Variants in ANKRD18A observed in about 807,000 individuals in gnomAD.
ANKRD18A encodes the protein ankyrin repeat domain 18A, also known as ankyrin repeat domain-containing protein 18A.
A neutral mutation model predicts 110.6 loss-of-function variants in ANKRD18A; 72 were observed. That is an observed-to-expected ratio of 0.65 (90% confidence interval 0.54 to 0.79). The LOEUF is 0.79. ANKRD18A is among the 30% of genes least tolerant of loss of function. The probability of loss-of-function intolerance (pLI) is 0.00; values close to 1 mark genes in which losing one functional copy is unlikely to be tolerated. For missense variants in ANKRD18A, 934 were observed against 1,163.3 expected, an observed-to-expected ratio of 0.80 and a Z score of 2.87; for synonymous variants, 305 against 410.3, an observed-to-expected ratio of 0.74 and a Z score of 3.10.
chr9:38,610,360 A>T lies in ANKRD18A; in HGVS notation c.653T>A (p.Leu218His), dbSNP rs574126177. 32 of 1,551,002 alleles carry T rather than the reference A, an allele frequency of 2.1e-5. No homozygotes were observed. In the Admixed American group the frequency reaches 3.9e-4, roughly 19 times the overall value. The change falls in exon 5 of 16, where the codon CTC becomes CAC. Residue 218 changes from leucine to histidine, a missense_variant. Leu to His is a moderately conservative substitution (Grantham distance 99, BLOSUM62 -3). Coordinates refer to ENST00000399703, the MANE Select transcript of ANKRD18A (RefSeq NM_147195.4). The stretch of plus-strand genomic sequence containing the variant: ...GATACGTATATTTTGTTGAAGCAGG[A>T]GGGTGACGATACTTGACAAGTTATG... ...VQHNLSSIVT[L>H]LLQQNIRISS...
chr9:38,620,570 T>G lies in ANKRD18A; in HGVS notation c.-285A>C. On this transcript the variant is annotated 5_prime_UTR_variant, in exon 1 of 16. Coordinates refer to ENST00000399703, the MANE Select transcript of ANKRD18A (RefSeq NM_147195.4). The stretch of plus-strand genomic sequence containing the variant: ...AAGCCGTTAGGCGCGCGCCTGAACC[T>G]CAGCGCTCCGAACTCTCAGACCGAG... 1 of 1,001,706 alleles carries G rather than the reference T, an allele frequency of 1.0e-6. No homozygotes were observed. Among genetic ancestry groups the G allele is most frequent in the Non-Finnish European group, 1.3e-6 (1 of 772,348 alleles). The allele number at this position is 1,001,706 out of a possible 1,614,324, so 62.1% of individuals were successfully genotyped here. A position where few individuals can be genotyped will look rare whatever the true frequency, so the allele number is the denominator to read the frequency against.
At chr9:38,582,436 T>A (rs539783175) in intron 12 of ANKRD18A, among the ~76,000 whole-genome samples, 2 of 152,282 alleles carry the variant, frequency 1.3e-5, no homozygotes, top group South Asian at 4.1e-4. Flanking sequence ...ATAAGACAAC[T>A]GGTAATATGC....
At chr9:38,572,281 C>T in intron 15 of ANKRD18A, 2 of 377,406 alleles carry the variant, frequency 5.3e-6, no homozygotes, top group East Asian at 5.5e-5. Context: ...ATGTACTCAA[C>T]AGCCACGTGC....
intron 3 of ANKRD18A, among the ~76,000 whole-genome samples, chr9:38,614,609 G>C (rs1190227434): frequency 6.6e-6 from 1 of 152,120 alleles, no homozygotes; most frequent in Non-Finnish European, 1.5e-5. Flanking sequence ...AATCACTTCA[G>C]TTTCATCTCT....
intron 3 of ANKRD18A, among the ~76,000 whole-genome samples, chr9:38,612,201 A>G (rs1362176361): frequency 4.6e-5 from 7 of 152,202 alleles, no homozygotes; most frequent in Non-Finnish European, 8.8e-5. Context: ...TATCTTAACT[A>G]TTAGAAAGCT....
intron 12 of ANKRD18A, among the ~76,000 whole-genome samples, chr9:38,584,106 T>G (rs1339369355): frequency 6.6e-6 from 1 of 152,144 alleles, no homozygotes; most frequent in Non-Finnish European, 1.5e-5. Flanking sequence ...GGAAATCTGT[T>G]TGCAGGACCC....
Position 38,596,394 on chromosome 9 carries a change from T to G in ANKRD18A, c.946A>C (p.Ser316Arg). The G allele has an allele frequency of 6.9e-7, 1 of 1,446,226 alleles. No homozygotes were observed. Among genetic ancestry groups the G allele is most frequent in the Non-Finnish European group, 9.1e-7 (1 of 1,099,982 alleles). The allele number at this position is 1,446,226 out of a possible 1,614,324, so 89.6% of individuals were successfully genotyped here. ...SENKQPQDSQ[S>R]YGKKKDAMYG... ...ATCGCATCCTTCTTTTTTCCGTAAC[T>G]TTGAGAATCCTAAATAAAACAAAAC... Residue 316 changes from serine to arginine, a missense_variant, in exon 9 of 16, where the codon AGT (serine) becomes CGT (arginine). Physicochemically the swap from Ser to Arg is moderately radical, Grantham distance 110. Coordinates refer to ENST00000399703, the MANE Select transcript of ANKRD18A (RefSeq NM_147195.4).
chr9:38,595,014 G>T (rs1824810561), intron 9 of ANKRD18A, among the ~76,000 whole-genome samples: 1 of 152,120 alleles, frequency 6.6e-6, no homozygotes, highest in Non-Finnish European at 1.5e-5. Context: ...CATCTTGTCA[G>T]CTCTACCTTT....
At position 38,595,483 on chromosome 9, in the gene ANKRD18A, T is replaced by A; in HGVS notation, c.1854+3A>T. ...AGAAGTTTATAGTTTTCTTCATACTTACTTCTCTTTCTGCTTTTTCTTTTT... is the reference window on the plus strand; with the variant it reads ...AGAAGTTTATAGTTTTCTTCATACTAACTTCTCTTTCTGCTTTTTCTTTTT... On this transcript the variant is annotated splice_donor_region_variant and intron_variant, in intron 9 of 15. Transcript: ENST00000399703. The A allele has an allele frequency of 6.8e-7, 1 of 1,466,926 alleles. No homozygotes were observed. Among genetic ancestry groups the A allele is most frequent in the South Asian group, 1.5e-5 (1 of 68,534 alleles). 90.9% of individuals were successfully genotyped at this position (1,466,926 alleles called of 1,614,324 possible).
Position 38,606,490 on chromosome 9 carries a change from T to C in ANKRD18A, c.808+936A>G, listed in dbSNP as rs542503121. ...TTTTTTTCTTTTCTATGATTTTCTTTATAACAGCTTCATTTCTCTAGCTTC... is the reference window on the plus strand; with the variant it reads ...TTTTTTTCTTTTCTATGATTTTCTTCATAACAGCTTCATTTCTCTAGCTTC... On this transcript the variant is annotated intron_variant, in intron 6 of 15. Coordinates refer to ENST00000399703, the MANE Select transcript of ANKRD18A (RefSeq NM_147195.4). 3.9e-5 allele frequency among the ~76,000 whole-genome samples: 6 copies of C among 152,350 alleles called. No homozygotes were observed. The South Asian group carries it at 1.2e-3, about 32-fold the overall frequency.
intron 1 of ANKRD18A, among the ~76,000 whole-genome samples, chr9:38,616,568 C>T (rs567062359): frequency 2.0e-5 from 3 of 152,254 alleles, no homozygotes; most frequent in South Asian, 2.1e-4. Flanking sequence ...ACCTCCTGCC[C>T]CAGCCTCCTG....
intron 11 of ANKRD18A, among the ~76,000 whole-genome samples, chr9:38,586,827 T>C (rs1587499860): frequency 6.6e-6 from 1 of 152,028 alleles, no homozygotes. Context: ...GCCTCCCAAA[T>C]TGCTGGGATT....
chr9:38,568,801 G>C (rs537861940), downstream of ANKRD18A: 1 of 985,286 alleles, frequency 1.0e-6, no homozygotes, highest in Non-Finnish European at 1.2e-6. Context: ...CTGCTGGGGG[G>C]ACCATAGTGC....
chr9:38,610,628 G>A (rs144333737), intron 4 of ANKRD18A, among the ~76,000 whole-genome samples: 125 of 152,224 alleles, frequency 8.2e-4, no homozygotes, highest in African/African-American at 2.9e-3. Flanking sequence ...AGCAAACTTC[G>A]TGTCCCATTG....
Position 38,606,025 on chromosome 9 carries a change from T to C in ANKRD18A, c.808+1401A>G, listed in dbSNP as rs146841375. Among the ~76,000 whole-genome samples the C allele has an allele frequency of 6.9e-3, 1,047 of 152,336 alleles. 12 individuals carry two copies. The highest frequency in any genetic ancestry group is 0.023 in the African/African-American group (969 of 41,570). On this transcript the variant is annotated intron_variant, in intron 6 of 15. Coordinates refer to ENST00000399703, the MANE Select transcript of ANKRD18A (RefSeq NM_147195.4). ...ATATATCTCATGAGGTTCCAACTTA[T>C]GGTGAATAAATTAAAAATAGACCTT...
chr9:38,595,788 T>A lies in ANKRD18A; in HGVS notation c.1552A>T (p.Ile518Leu). The part of the protein sequence containing the change: ...QLDLRQAQHR[I>L]KEMKQMHPNG... ...GGATGCATCTGCTTCATTTCCTTTATTCGATGCTGTGCTTGCCTTAGGTCC... is the reference window on the plus strand; with the variant it reads ...GGATGCATCTGCTTCATTTCCTTTAATCGATGCTGTGCTTGCCTTAGGTCC... Residue 518 changes from isoleucine (I) to leucine (L), a missense_variant, in exon 9 of 16, where the codon ATA (isoleucine) becomes TTA (leucine). This residue lies in a region of ANKRD18A where 630 missense variants were observed against 797.5 expected (regional missense o/e 0.79). Transcript: ENST00000399703. The A allele has an allele frequency of 6.4e-7, 1 of 1,551,260 alleles. No homozygotes were observed. The highest frequency in any genetic ancestry group is 8.7e-7 in the Non-Finnish European group (1 of 1,146,650).
chr9:38,616,646 G>A (rs1825865597), intron 1 of ANKRD18A, among the ~76,000 whole-genome samples: 1 of 152,064 alleles, frequency 6.6e-6, no homozygotes, highest in African/African-American at 2.4e-5. Context: ...TGTAGAGTAG[G>A]AATGTCACCT....
intron 7 of ANKRD18A, among the ~76,000 whole-genome samples, chr9:38,602,598 A>G: frequency 6.6e-6 from 1 of 152,230 alleles, no homozygotes; most frequent in East Asian, 1.9e-4. Context: ...ATTTTTTAAA[A>G]AAGCAAAACA....
intron 5 of ANKRD18A, among the ~76,000 whole-genome samples, chr9:38,609,476 G>A (rs928367035): frequency 2.6e-5 from 4 of 151,630 alleles, no homozygotes; most frequent in Non-Finnish European, 4.4e-5. Flanking sequence ...GCAAGACTCC[G>A]TCTCGAAAAA....
Sources: allele counts gnomAD v4.1 joint callset (sites outside exome capture counted in the v4.1 genomes callset), GRCh38; gene constraint gnomAD v4.1.1; regional missense constraint gnomAD v4.1.1; transcripts MANE v1.5; gene names NCBI Gene and HGNC (gene_info 2026-07-23, HGNC 2026-07-21).